The following TMEM45B variants were observed in gnomAD, a reference collection of about 807,000 sequenced individuals.
TMEM45B encodes transmembrane protein 45B.
Under a neutral mutation model 27.3 loss-of-function variants are expected in TMEM45B, and 29 were observed. The ratio of observed to expected loss-of-function variants is 1.06; its 90% confidence interval spans 0.79 to 1.45. The LOEUF (loss-of-function observed/expected upper bound fraction) is 1.45, where lower values mean the gene tolerates loss of function less well. TMEM45B is among the 40% of genes most tolerant of loss of function. TMEM45B has a pLI of 0.00. For missense variants in TMEM45B, 348 were observed against 343.9 expected, an observed-to-expected ratio of 1.01 and a Z score of -0.09; for synonymous variants, 143 against 134.7, an observed-to-expected ratio of 1.06 and a Z score of -0.43.
At chr11:129,818,814 T>C (rs1947382418) in intron 1 of TMEM45B, among the ~76,000 whole-genome samples, 1 of 152,190 alleles carries the variant, frequency 6.6e-6, no homozygotes, top group African/African-American at 2.4e-5. Context: ...TCAAGTCCAA[T>C]CTTGTGGTTT....
chr11:129,851,123 G>A (rs1396555703), intron 1 of TMEM45B, among the ~76,000 whole-genome samples: 1 of 152,178 alleles, frequency 6.6e-6, no homozygotes, highest in East Asian at 1.9e-4. Flanking sequence ...TGTCTGCTGA[G>A]GGCTGCATCC....
chr11:129,856,848 C>T (rs928528578), intron 4 of TMEM45B, among the ~76,000 whole-genome samples: 17 of 142,318 alleles, frequency 1.2e-4, no homozygotes, highest in Admixed American at 6.9e-5. Context: ...CATGAGCCAC[C>T]GCGCCCGGCT....
intron 1 of TMEM45B, among the ~76,000 whole-genome samples, chr11:129,849,063 A>G (rs1300247170): frequency 6.6e-6 from 1 of 152,198 alleles, no homozygotes; most frequent in Non-Finnish European, 1.5e-5. Flanking sequence ...ACTTCTCACA[A>G]ACAAAATACA....
intron 1 of TMEM45B, among the ~76,000 whole-genome samples, chr11:129,816,947 C>T (rs1319465878): frequency 6.0e-5 from 9 of 151,138 alleles, no homozygotes; most frequent in Non-Finnish European, 4.4e-5. Flanking sequence ...GGGGTTTCAC[C>T]GTGTTAGCCA....
chr11:129,829,005 T>C (rs1434962139), intron 1 of TMEM45B, among the ~76,000 whole-genome samples: 13 of 152,218 alleles, frequency 8.5e-5, no homozygotes, highest in Non-Finnish European at 1.5e-5. Context: ...TTAACACTTA[T>C]TAAACATGTA....
chr11:129,858,943 A>G lies in TMEM45B; in HGVS notation c.*258A>G, dbSNP rs536530788. On this transcript the variant is annotated 3_prime_UTR_variant, in exon 6 of 6. Coordinates refer to ENST00000281441, the MANE Select transcript of TMEM45B (RefSeq NM_138788.5). ...CATAAGGAAAAATGAAGTAATGCCT[A>G]TAAGTAGCAGGCCTTTGTGCCTCAG... is the stretch of plus-strand genomic sequence containing the variant. The G allele has an allele frequency of 3.7e-4, 78 of 210,648 alleles. No homozygotes were observed. Among genetic ancestry groups the G allele is most frequent in the African/African-American group, 1.2e-3 (53 of 43,688 alleles). The allele number at this position is 210,648 out of a possible 1,614,324, so 13.0% of individuals were successfully genotyped here. A position where few individuals can be genotyped will look rare whatever the true frequency, so the allele number is the denominator to read the frequency against.
intron 1 of TMEM45B, among the ~76,000 whole-genome samples, chr11:129,831,306 C>A (rs1161371501): frequency 1.3e-5 from 2 of 152,144 alleles, no homozygotes; most frequent in Non-Finnish European, 2.9e-5. Context: ...AATCGAACTG[C>A]CAGCATCACT....
intron 1 of TMEM45B, among the ~76,000 whole-genome samples, chr11:129,845,727 G>A (rs1436304692): frequency 6.6e-6 from 1 of 152,080 alleles, no homozygotes; most frequent in Non-Finnish European, 1.5e-5. Context: ...CAATAAAAAG[G>A]CAGAGATTGT....
intron 1 of TMEM45B, among the ~76,000 whole-genome samples, chr11:129,847,417 A>ATTTATTTTT (rs1947776551): frequency 7.1e-6 from 1 of 140,300 alleles, no homozygotes; most frequent in East Asian, 2.1e-4. Flanking sequence ...ATTTTTTTTT[A>ATTTATTTTT]TTTTTTTTTA....
In TMEM45B at chr11:129,857,247, G is replaced by A. The variant is rs1042186518; in HGVS notation, c.571-66G>A. ...ACATGGGCCACTTCGGTGGCCACAGGAGAACGGCTAGATTGCTTCTCAGGA... is the reference window on the plus strand; with the variant it reads ...ACATGGGCCACTTCGGTGGCCACAGAAGAACGGCTAGATTGCTTCTCAGGA... On this transcript the variant is annotated intron_variant, in intron 4 of 5. Transcript: ENST00000281441. 3.8e-6 allele frequency: 6 copies of A among 1,589,586 alleles called. No homozygotes were observed. The Admixed American group carries it at 5.0e-5, about 13-fold the overall frequency.
At chr11:129,856,394 A>G (rs1045569323) in intron 4 of TMEM45B, among the ~76,000 whole-genome samples, 1 of 149,444 alleles carries the variant, frequency 6.7e-6, no homozygotes, top group Admixed American at 6.7e-5. Flanking sequence ...TTGTATTTTT[A>G]GAGACAGGGT....
chr11:129,852,682 T>C, intron 2 of TMEM45B, 22 bp downstream of exon 2: 1 of 1,583,602 alleles, frequency 6.3e-7, no homozygotes, highest in Non-Finnish European at 8.6e-7. Flanking sequence ...GGTCATTTGG[T>C]CTAGGGAATC....
chr11:129,817,732 G>A (rs1423287611), intron 1 of TMEM45B, among the ~76,000 whole-genome samples: 4 of 152,100 alleles, frequency 2.6e-5, no homozygotes, highest in Non-Finnish European at 5.9e-5. Flanking sequence ...TCTCACATTT[G>A]GCACCAGTTA....
intron 1 of TMEM45B, among the ~76,000 whole-genome samples, chr11:129,837,110 C>T (rs1402875497): frequency 6.6e-6 from 1 of 152,012 alleles, no homozygotes; most frequent in Non-Finnish European, 1.5e-5. Flanking sequence ...CTTCCCAAAG[C>T]CCTTTAGTCC....
intron 1 of TMEM45B, among the ~76,000 whole-genome samples, chr11:129,839,752 C>A (rs1947667859): frequency 6.6e-6 from 1 of 152,130 alleles, no homozygotes; most frequent in South Asian, 2.1e-4. Flanking sequence ...CCAGGCTGAT[C>A]TTGAACACCT....
At position 129,836,972 on chromosome 11, in the gene TMEM45B, T is replaced by C. The variant is rs199649826; in HGVS notation, c.-8-15503T>C. Among the ~76,000 whole-genome samples, 9 of 152,154 alleles carry C rather than the reference T, an allele frequency of 5.9e-5. No homozygotes were observed. The East Asian group carries it at 1.7e-3, about 29-fold the overall frequency. On this transcript the variant is annotated intron_variant, in intron 1 of 5. Transcript: ENST00000281441. ...GAATTGAAAGGCAAACCTGTAGAAA[T>C]ATAAAATCGACTGGTGGCTGCCTGC... is the stretch of plus-strand genomic sequence containing the variant.
chr11:129,822,168 T>C (rs1335531311), intron 1 of TMEM45B, among the ~76,000 whole-genome samples: 2 of 152,230 alleles, frequency 1.3e-5, no homozygotes, highest in East Asian at 1.9e-4. Context: ...GGAGCTTTTA[T>C]TGGCGAGAGG....
intron 1 of TMEM45B, among the ~76,000 whole-genome samples, chr11:129,844,686 C>T (rs1208769659): frequency 6.6e-6 from 1 of 151,946 alleles, no homozygotes; most frequent in African/African-American, 2.4e-5. Context: ...GACCCTGTCT[C>T]TAAAAATAAT....
chr11:129,857,592 C>G (rs1484952708), intron 5 of TMEM45B, 134 bp downstream of exon 5: 12 of 976,778 alleles, frequency 1.2e-5, no homozygotes, highest in African/African-American at 3.2e-5. Flanking sequence ...GAAGGTATCA[C>G]TACCCTTATT....
Sources: allele counts gnomAD v4.1 joint callset (sites outside exome capture counted in the v4.1 genomes callset), GRCh38; gene constraint gnomAD v4.1.1; transcripts MANE v1.5; gene names NCBI Gene and HGNC (gene_info 2026-07-23, HGNC 2026-07-21).